Variants in PTPRD observed in about 807,000 individuals in gnomAD.
PTPRD encodes the protein receptor-type tyrosine-protein phosphatase delta.
Under a neutral mutation model 214.5 loss-of-function variants are expected in PTPRD, and 34 were observed. That is an observed-to-expected ratio of 0.16 (90% confidence interval 0.12 to 0.21). The LOEUF is 0.21. Ranked by LOEUF, PTPRD falls within the 10% of genes least tolerant of loss-of-function variation. The probability of loss-of-function intolerance (pLI) is 1.00; values close to 1 mark genes in which losing one functional copy is unlikely to be tolerated. For synonymous variants in PTPRD, 1,128 were observed against 845.7 expected, an observed-to-expected ratio of 1.33 and a Z score of -5.79; for missense variants, 2,545 against 2,398.7, an observed-to-expected ratio of 1.06 and a Z score of -1.27.
rs144094374 is a variant in PTPRD at position 10,282,247 on chromosome 9, A to G, written c.-545+58716T>C. 3.4e-3 allele frequency among the ~76,000 whole-genome samples: 521 copies of G among 152,306 alleles called. 5 individuals are homozygous for G. Among genetic ancestry groups the G allele is most frequent in the African/African-American group, 0.012 (488 of 41,578 alleles). On this transcript the variant is annotated intron_variant, in intron 3 of 45. Coordinates refer to ENST00000381196, the MANE Select transcript of PTPRD (RefSeq NM_002839.4). Reference sequence around the variant, plus strand: ...ATGATAACAATAACCTTATAGGATTAGGCAGTAACTTAATTGACATAGCAC... The same window carrying G: ...ATGATAACAATAACCTTATAGGATTGGGCAGTAACTTAATTGACATAGCAC...
chr9:9,067,807 A>AT (rs1467599940), intron 10 of PTPRD, among the ~76,000 whole-genome samples: 10 of 152,074 alleles, frequency 6.6e-5, no homozygotes, highest in African/African-American at 2.4e-4. Context: ...TCTTGTCTAG[A>AT]TTTTTTTAGT....
At chr9:10,383,534 C>G (rs2097858498) in intron 2 of PTPRD, among the ~76,000 whole-genome samples, 2 of 151,794 alleles carry the variant, frequency 1.3e-5, no homozygotes, top group Admixed American at 6.6e-5. Flanking sequence ...GAAGACAATT[C>G]AGTTGACATC....
Position 9,944,187 on chromosome 9 carries a change from T to C in PTPRD, c.-471-5577A>G, listed in dbSNP as rs551883655. On this transcript the variant is annotated intron_variant, in intron 4 of 45. Transcript: ENST00000381196. ...GCTCATCTTTCCTGTTTGCCCATTCTTGCTTTGTTCCCTTCTCTTTCACAG... is the reference window on the plus strand; with the variant it reads ...GCTCATCTTTCCTGTTTGCCCATTCCTGCTTTGTTCCCTTCTCTTTCACAG... Among the ~76,000 whole-genome samples, 52 of 152,274 alleles carry C rather than the reference T, an allele frequency of 3.4e-4. 1 individual carries two copies. Among genetic ancestry groups the C allele is most frequent in the Non-Finnish European group, 6.2e-4 (42 of 68,024 alleles).
intron 2 of PTPRD, among the ~76,000 whole-genome samples, chr9:10,354,762 C>T (rs913060691): frequency 3.3e-5 from 5 of 152,092 alleles, no homozygotes; most frequent in African/African-American, 9.7e-5. Context: ...CTTCCATCTT[C>T]ATGTCATTTT....
intron 10 of PTPRD, among the ~76,000 whole-genome samples, chr9:9,143,657 C>T (rs2099863878): frequency 6.6e-6 from 1 of 152,182 alleles, no homozygotes; most frequent in African/African-American, 2.4e-5. Flanking sequence ...GAGTTTAGTA[C>T]ATCAGGCATT....
chr9:10,536,947 G>A (rs1425794129), intron 2 of PTPRD, among the ~76,000 whole-genome samples: 4 of 152,182 alleles, frequency 2.6e-5, no homozygotes, highest in South Asian at 2.1e-4. Flanking sequence ...AAAGCAGTAC[G>A]GTTATTAGGT....
intron 4 of PTPRD, among the ~76,000 whole-genome samples, chr9:9,980,854 G>A (rs1389512904): frequency 1.3e-5 from 1 of 79,720 alleles, no homozygotes. Flanking sequence ...AAATGTTCAA[G>A]CTTGTTTGCA....
chr9:8,425,099 G>C (rs1328076462), intron 35 of PTPRD, among the ~76,000 whole-genome samples: 1 of 152,128 alleles, frequency 6.6e-6, no homozygotes, highest in Non-Finnish European at 1.5e-5. Context: ...GAAAAACCAT[G>C]ACAAATAATA....
chr9:9,580,415 T>C (rs960908991), intron 7 of PTPRD, among the ~76,000 whole-genome samples: 1 of 152,118 alleles, frequency 6.6e-6, no homozygotes, highest in Non-Finnish European at 1.5e-5. Flanking sequence ...TGTAAGATGA[T>C]ATGACATTGT....
intron 39 of PTPRD, among the ~76,000 whole-genome samples, chr9:8,362,030 C>T (rs1588675857): frequency 1.3e-5 from 2 of 152,330 alleles, no homozygotes; most frequent in Admixed American, 1.3e-4. Context: ...TGCAGAAATG[C>T]AGGCAAAGAA....
At chr9:8,782,896 T>G (rs562467033) in intron 11 of PTPRD, among the ~76,000 whole-genome samples, 2 of 152,244 alleles carry the variant, frequency 1.3e-5, no homozygotes, top group East Asian at 3.9e-4. Context: ...ACGCCTGGCC[T>G]ACACTTCTTT....
intron 7 of PTPRD, among the ~76,000 whole-genome samples, chr9:9,686,330 T>C (rs2154400697): frequency 6.6e-6 from 1 of 151,594 alleles, no homozygotes; most frequent in East Asian, 1.9e-4. Context: ...AAACTCATTT[T>C]TTTACTGTGT....
rs200056615 is a variant in PTPRD at position 9,679,116 on chromosome 9, A to AG, written c.-287+55416dup. ...TACCCTTTGGTAATTAGGTTGAAAA[A>AG]GGGGGAAAAAAAAAAAAACCTAGAA... On this transcript the variant is annotated intron_variant, in intron 7 of 45. Coordinates refer to ENST00000381196, the MANE Select transcript of PTPRD (RefSeq NM_002839.4). Among the ~76,000 whole-genome samples the AG allele has an allele frequency of 9.3e-3, 943 of 100,876 alleles. 7 individuals are homozygous for AG. The highest frequency in any genetic ancestry group is 0.025 in the African/African-American group (767 of 31,186). The allele number at this position is 100,876 out of a possible 152,430, so 66.2% of individuals were successfully genotyped here.
intron 11 of PTPRD, among the ~76,000 whole-genome samples, chr9:8,864,057 C>T (rs1216514487): frequency 6.6e-6 from 1 of 152,116 alleles, no homozygotes; most frequent in Non-Finnish European, 1.5e-5. Context: ...AAACAGGCTC[C>T]ATCTTGCTGA....
At chr9:9,244,600 C>T (rs146851506) in intron 9 of PTPRD, among the ~76,000 whole-genome samples, 1 of 152,194 alleles carries the variant, frequency 6.6e-6, no homozygotes, top group African/African-American at 2.4e-5. Context: ...AAAGCTGAAA[C>T]TGGAACCCTT....
chr9:9,643,958 T>C (rs921701286), intron 7 of PTPRD, among the ~76,000 whole-genome samples: 1 of 152,200 alleles, frequency 6.6e-6, no homozygotes, highest in African/African-American at 2.4e-5. Flanking sequence ...CTATTACCAT[T>C]GTACAAATTC....
Position 8,897,009 on chromosome 9 carries a change from A to C in PTPRD, c.-104+121688T>G, listed in dbSNP as rs542052371. The stretch of plus-strand genomic sequence containing the variant: ...TTCTAAAAAGATAAAAACAAATTAA[A>C]GGCTTTTGATAGGAGAAACTTTAAT... On this transcript the variant is annotated intron_variant, in intron 11 of 45. Transcript: ENST00000381196. Among the ~76,000 whole-genome samples the C allele has an allele frequency of 1.1e-4, 17 of 152,322 alleles. No homozygotes were observed. The East Asian group carries it at 2.9e-3, about 26-fold the overall frequency.
chr9:9,268,665 C>T (rs545963892), intron 9 of PTPRD, among the ~76,000 whole-genome samples: 4 of 151,006 alleles, frequency 2.6e-5, no homozygotes, highest in African/African-American at 9.7e-5. Context: ...TAACAACAAA[C>T]ATACAAAGAG....
At chr9:9,264,528 G>A (rs1167556193) in intron 9 of PTPRD, among the ~76,000 whole-genome samples, 5 of 151,422 alleles carry the variant, frequency 3.3e-5, no homozygotes, top group Admixed American at 6.6e-5. Context: ...AAGCCTATGG[G>A]ATTTATGGGA....
Sources: gnomAD v4.1 joint callset for allele counts (sites outside exome capture counted in the v4.1 genomes callset) on GRCh38, gnomAD v4.1.1 for gene constraint, MANE v1.5 for transcripts, NCBI Gene and HGNC (gene_info 2026-07-23, HGNC 2026-07-21) for gene names.